The following COL4A6 variants were observed in gnomAD, a reference collection of about 807,000 sequenced individuals.
The protein encoded by COL4A6 is collagen type IV alpha 6 chain, also known as collagen alpha-6(IV) chain.
COL4A6 carries 59 observed loss-of-function variants against 126.7 expected under a neutral mutation model. The ratio of observed to expected loss-of-function variants is 0.47; its 90% confidence interval spans 0.38 to 0.58. COL4A6 has a LOEUF of 0.58. Ranked by LOEUF, COL4A6 falls within the 20% of genes least tolerant of loss-of-function variation. COL4A6 has a pLI of 0.00. For synonymous variants in COL4A6, 547 were observed against 496.6 expected, an observed-to-expected ratio of 1.10 and a Z score of -1.35; for missense variants, 1,285 against 1,337.3, an observed-to-expected ratio of 0.96 and a Z score of 0.61.
At chrX:108,169,896 C>A in intron 36 of COL4A6, 49 bp downstream of exon 36, 1 of 1,096,630 alleles carries the variant, frequency 9.1e-7, no homozygotes, top group Non-Finnish European at 1.2e-6. Context: ...CCTTGCCAGG[C>A]TTCTGGAAGA....
intron 17 of COL4A6, among the ~76,000 whole-genome samples, chrX:108,192,812 A>G (rs998435666): frequency 8.0e-5 from 9 of 112,792 alleles, no homozygotes; most frequent in African/African-American, 2.6e-4. Context: ...CCTGCCTTTC[A>G]TGATAAGCTC....
intron 2 of COL4A6, among the ~76,000 whole-genome samples, chrX:108,368,801 C>G (rs991985893): frequency 9.0e-6 from 1 of 110,908 alleles, no homozygotes; most frequent in Non-Finnish European, 1.9e-5. Flanking sequence ...ACACATTAGC[C>G]TAGGCTTACA....
At chrX:108,172,306 C>T (rs976120744) in intron 32 of COL4A6, among the ~76,000 whole-genome samples, 163 bp downstream of exon 32, 1 of 96,843 alleles carries the variant, frequency 1.0e-5, no homozygotes, top group African/African-American at 3.9e-5. Flanking sequence ...GCTGAGATTG[C>T]GCCACTGCAC....
At chrX:108,425,442 A>G (rs1053112282) in intron 2 of COL4A6, among the ~76,000 whole-genome samples, 1 of 110,707 alleles carries the variant, frequency 9.0e-6, no homozygotes, top group Non-Finnish European at 1.9e-5. Context: ...TAAGACTTCT[A>G]TAGCTCTCAG....
intron 2 of COL4A6, among the ~76,000 whole-genome samples, chrX:108,404,313 G>A (rs1194610450): frequency 1.8e-5 from 2 of 111,749 alleles, no homozygotes; most frequent in African/African-American, 6.5e-5. Context: ...ATCCTTATAT[G>A]TTTGACTTCC....
intron 11 of COL4A6, 138 bp downstream of exon 11, chrX:108,205,301 G>A: frequency 1.9e-6 from 1 of 534,587 alleles, no homozygotes; most frequent in Non-Finnish European, 3.3e-6. Context: ...TCCCACCAGA[G>A]GATCTATGTG....
intron 2 of COL4A6, among the ~76,000 whole-genome samples, chrX:108,433,579 A>G (rs2064210920): frequency 9.3e-6 from 1 of 107,302 alleles, no homozygotes; most frequent in African/African-American, 3.4e-5. Flanking sequence ...GCTGTAGTGC[A>G]GTGGCATGAT....
At chrX:108,328,986 C>T (rs1476167766) in intron 2 of COL4A6, among the ~76,000 whole-genome samples, 1 of 111,607 alleles carries the variant, frequency 9.0e-6, no homozygotes, top group African/African-American at 3.3e-5. Context: ...ACCACATGAT[C>T]TCATGTGTGA....
At chrX:108,230,867 C>T (rs1412260411) in intron 3 of COL4A6, among the ~76,000 whole-genome samples, 4 of 111,546 alleles carry the variant, frequency 3.6e-5, no homozygotes, top group African/African-American at 1.3e-4. Context: ...CTTCACTCTC[C>T]TAGTAACAGC....
At chrX:108,221,520 G>A (rs760773932) in intron 3 of COL4A6, 146 bp from the exon 4 acceptor site, 186 of 611,330 alleles carry the variant, frequency 3.0e-4, no homozygotes, top group Non-Finnish European at 4.3e-4. Context: ...TTCCAGACAC[G>A]GATCAGAAAA....
intron 2 of COL4A6, among the ~76,000 whole-genome samples, chrX:108,430,197 T>C (rs182820190): frequency 2.7e-5 from 3 of 111,582 alleles, no homozygotes; most frequent in African/African-American, 9.8e-5. Context: ...GTTCATTAGA[T>C]AGAAAAGAAG....
chrX:108,405,111 C>T (rs1461410577), intron 2 of COL4A6, among the ~76,000 whole-genome samples: 1 of 111,802 alleles, frequency 8.9e-6, no homozygotes, highest in Non-Finnish European at 1.9e-5. Flanking sequence ...ATTCCTTATC[C>T]TCTGCACCTC....
chrX:108,390,833 C>T (rs141086019), intron 2 of COL4A6, among the ~76,000 whole-genome samples: 1 of 111,235 alleles, frequency 9.0e-6, no homozygotes, highest in African/African-American at 3.3e-5. Flanking sequence ...GAATTTTCAG[C>T]CTTTTTGTGC....
chrX:108,362,177 A>G (rs918869002), intron 2 of COL4A6, among the ~76,000 whole-genome samples: 1 of 111,536 alleles, frequency 9.0e-6, no homozygotes, highest in Admixed American at 9.6e-5. Flanking sequence ...CATACCATCC[A>G]TATTACTCTA....
intron 3 of COL4A6, among the ~76,000 whole-genome samples, chrX:108,298,374 A>G (rs1226773202): frequency 8.9e-6 from 1 of 112,229 alleles, no homozygotes; most frequent in East Asian, 2.9e-4. Context: ...CAGACAGGGC[A>G]TTGTCCAGGG....
chrX:108,168,724 T>C (rs1175850993), intron 37 of COL4A6, among the ~76,000 whole-genome samples: 1 of 112,048 alleles, frequency 8.9e-6, no homozygotes, highest in African/African-American at 3.2e-5. Flanking sequence ...AACAAGTAAC[T>C]TCCTTGTTTA....
chrX:108,335,626 T>G (rs1351307499), intron 2 of COL4A6, among the ~76,000 whole-genome samples: 2 of 111,374 alleles, frequency 1.8e-5, no homozygotes, highest in African/African-American at 6.5e-5. Flanking sequence ...AACACACACA[T>G]ATATATACAC....
chrX:108,170,575 C>CT (rs2034268033), intron 35 of COL4A6, 34 bp downstream of exon 35: 1 of 1,114,828 alleles, frequency 9.0e-7, no homozygotes, highest in Non-Finnish European at 1.2e-6. Flanking sequence ...GAGGGAAAGA[C>CT]TTTTCCCCAC....
At chrX:108,358,208 A>G (rs2039999889) in intron 2 of COL4A6, among the ~76,000 whole-genome samples, 1 of 111,076 alleles carries the variant, frequency 9.0e-6, no homozygotes, top group African/African-American at 3.3e-5. Flanking sequence ...GACAGCATGG[A>G]CAGTATATTA....
Sources: allele counts gnomAD v4.1 joint callset (sites outside exome capture counted in the v4.1 genomes callset), GRCh38; gene constraint gnomAD v4.1.1; transcripts MANE v1.5; gene names NCBI Gene and HGNC (gene_info 2026-07-23, HGNC 2026-07-21).